Variants in KAZN observed in about 807,000 individuals in gnomAD.
KAZN encodes kazrin, periplakin interacting protein, also known as kazrin.
In KAZN, 40 loss-of-function variants were observed where a neutral mutation model predicts 87.4. That is an observed-to-expected ratio of 0.46 (90% confidence interval 0.36 to 0.60). The LOEUF (loss-of-function observed/expected upper bound fraction) is 0.60. Among genes scored for constraint, KAZN ranks in the 20% least tolerant of loss-of-function variants. KAZN has a pLI of 0.00. For missense variants in KAZN, 898 were observed against 1,073.9 expected, an observed-to-expected ratio of 0.84 and a Z score of 2.29; for synonymous variants, 466 against 458.3, an observed-to-expected ratio of 1.02 and a Z score of -0.22.
chr1:14,804,189 G>A (rs1260324283), intron 1 of KAZN, among the ~76,000 whole-genome samples: 2 of 152,196 alleles, frequency 1.3e-5, no homozygotes, highest in African/African-American at 2.4e-5. Flanking sequence ...AATTCTGTTG[G>A]GCAGGGGTCT....
chr1:14,061,216 CT>C (rs1642781853), intron 1 of KAZN, among the ~76,000 whole-genome samples: 1 of 152,120 alleles, frequency 6.6e-6, no homozygotes, highest in Non-Finnish European at 1.5e-5. Flanking sequence ...TAGTAGAGTG[CT>C]GTGGAAGGCA....
intron 1 of KAZN, among the ~76,000 whole-genome samples, chr1:14,650,061 T>A (rs1638262422): frequency 7.8e-6 from 1 of 128,402 alleles, no homozygotes; most frequent in Non-Finnish European, 1.6e-5. Flanking sequence ...TTTTTTTTGC[T>A]GATAAGGAAA....
At chr1:14,197,927 G>A (rs932665621) in intron 2 of KAZN, among the ~76,000 whole-genome samples, 2 of 152,108 alleles carry the variant, frequency 1.3e-5, no homozygotes, top group Admixed American at 1.3e-4. Context: ...GACATTTGTG[G>A]TCATAATGGC....
At chr1:14,618,220 C>T (rs1263982353) in intron 1 of KAZN, among the ~76,000 whole-genome samples, 1 of 152,180 alleles carries the variant, frequency 6.6e-6, no homozygotes, top group Non-Finnish European at 1.5e-5. Flanking sequence ...TGGCCCCAGC[C>T]CCGGCGTGTT....
intron 8 of KAZN, among the ~76,000 whole-genome samples, chr1:15,092,060 G>GTTTTTTTTTTTTTTTT (rs57460680): frequency 8.7e-6 from 1 of 114,438 alleles, no homozygotes; most frequent in East Asian, 2.6e-4. Context: ...TTGTTTTTTT[G>GTTTTTTTTTTTTTTTT]TTTTTTTTTT....
At chr1:14,295,864 C>T (rs747867016) in intron 2 of KAZN, among the ~76,000 whole-genome samples, 9 of 152,164 alleles carry the variant, frequency 5.9e-5, no homozygotes, top group Non-Finnish European at 1.0e-4. Flanking sequence ...AGCTAGATCA[C>T]GGGGTACTGT....
At chr1:14,185,238 T>C (rs1210248196) in intron 2 of KAZN, among the ~76,000 whole-genome samples, 1 of 152,154 alleles carries the variant, frequency 6.6e-6, no homozygotes, top group African/African-American at 2.4e-5. Context: ...TTCTCTTCCT[T>C]AGCAAGCAGG....
intron 2 of KAZN, among the ~76,000 whole-genome samples, chr1:14,559,417 G>A (rs917031423): frequency 2.0e-5 from 3 of 152,142 alleles, no homozygotes; most frequent in Admixed American, 6.5e-5. Context: ...CTTTAGGATG[G>A]CCAGGTTCTG....
At chr1:14,973,791 CA>C in intron 2 of KAZN, among the ~76,000 whole-genome samples, 1 of 152,080 alleles carries the variant, frequency 6.6e-6, no homozygotes. Context: ...CATCATATCC[CA>C]CAGCAGAATT....
intron 1 of KAZN, among the ~76,000 whole-genome samples, chr1:14,081,976 A>G (rs575792394): frequency 1.3e-5 from 2 of 152,066 alleles, no homozygotes; most frequent in South Asian, 2.1e-4. Flanking sequence ...GGGTCTCACT[A>G]TGTTGCCCAG....
intron 1 of KAZN, among the ~76,000 whole-genome samples, chr1:14,686,683 G>A (rs181310981): frequency 6.6e-6 from 1 of 152,198 alleles, no homozygotes; most frequent in South Asian, 2.1e-4. Context: ...GGTGTAGCGG[G>A]AAGCCCAGAG....
At chr1:14,319,611 A>G (rs372103416) in intron 2 of KAZN, among the ~76,000 whole-genome samples, 2 of 152,148 alleles carry the variant, frequency 1.3e-5, no homozygotes, top group African/African-American at 4.8e-5. Flanking sequence ...AACTCAGCAA[A>G]TTCCCGGAAC....
rs1443347541 is a variant in KAZN at position 15,117,187 on chromosome 1, C to T, written c.*2552C>T. On this transcript the variant is annotated 3_prime_UTR_variant, in exon 15 of 15. Transcript: ENST00000376030. ...TGGCAGAGAGACTCAAGCTGATTGT[C>T]ACAGGCTACAGAGGGGCCAGCTCCA... The T allele has an allele frequency of 6.6e-6, 1 of 152,234 alleles. No homozygotes were observed. The highest frequency in any genetic ancestry group is 1.5e-5 in the Non-Finnish European group (1 of 68,078). 9.4% of individuals were successfully genotyped at this position (152,234 alleles called of 1,614,324 possible).
Position 15,101,534 on chromosome 1 carries a change from C to G in KAZN, c.1548-9C>G. 1 of 1,546,080 alleles carries G rather than the reference C, an allele frequency of 6.5e-7. No individual in the cohort carries two copies. Among genetic ancestry groups the G allele is most frequent in the Non-Finnish European group, 8.8e-7 (1 of 1,141,944 alleles). The stretch of plus-strand genomic sequence containing the variant: ...ACCCATCCACTCTCTGGCTATGTCT[C>G]CTCCCCAGCCTGTCCAAAGCTGCCG... On this transcript the variant is annotated splice_polypyrimidine_tract_variant and intron_variant, in intron 10 of 14. Transcript: ENST00000376030.
chr1:14,434,624 G>C (rs533428607), intron 2 of KAZN, among the ~76,000 whole-genome samples: 2 of 152,320 alleles, frequency 1.3e-5, no homozygotes, highest in South Asian at 4.1e-4. Flanking sequence ...GGAGCAGGAA[G>C]CAGGACCATT....
intron 2 of KAZN, among the ~76,000 whole-genome samples, chr1:15,011,251 C>T (rs1384789292): frequency 6.6e-6 from 1 of 152,180 alleles, no homozygotes; most frequent in East Asian, 1.9e-4. Context: ...AGGTGCTGCA[C>T]CCAAAAGCAA....
At chr1:14,921,153 A>AACACACACACAAACACAC (rs1658469660) in intron 1 of KAZN, among the ~76,000 whole-genome samples, 1 of 144,422 alleles carries the variant, frequency 6.9e-6, no homozygotes, top group African/African-American at 2.6e-5. Context: ...CTGAGCATGC[A>AACACACACACAAACACAC]ACACACACAC....
At chr1:14,858,505 A>G (rs1445532446) in intron 1 of KAZN, among the ~76,000 whole-genome samples, 1 of 151,970 alleles carries the variant, frequency 6.6e-6, no homozygotes, top group Non-Finnish European at 1.5e-5. Flanking sequence ...GAGCCACCGC[A>G]CCTGGCCAAT....
At chr1:14,045,794 T>C (rs1161542775) in intron 1 of KAZN, among the ~76,000 whole-genome samples, 1 of 152,208 alleles carries the variant, frequency 6.6e-6, no homozygotes, top group Non-Finnish European at 1.5e-5. Context: ...ACTATGATAA[T>C]TGTGTAAAGG....
Sources: allele counts gnomAD v4.1 joint callset (sites outside exome capture counted in the v4.1 genomes callset), GRCh38; gene constraint gnomAD v4.1.1; transcripts MANE v1.5; gene names NCBI Gene and HGNC (gene_info 2026-07-23, HGNC 2026-07-21).